PTPRN2: variants seen among roughly 807,000 people sequenced by gnomAD.
PTPRN2 encodes protein tyrosine phosphatase receptor type N2.
PTPRN2 carries 74 observed loss-of-function variants against 118.8 expected under a neutral mutation model. That is an observed-to-expected ratio of 0.62 (90% CI 0.52 to 0.76). The LOEUF (loss-of-function observed/expected upper bound fraction) is 0.76, where lower values mean the gene tolerates loss of function less well. Ranked by LOEUF, PTPRN2 falls within the 30% of genes least tolerant of loss-of-function variation. PTPRN2 has a pLI of 0.00. For synonymous variants in PTPRN2, 641 were observed against 608.0 expected (o/e 1.05, Z -0.80); for missense variants, 1,481 against 1,394.4 (o/e 1.06, Z -0.99).
intron 14 of PTPRN2, among the ~76,000 whole-genome samples, chr7:157,655,652 A>G (rs1293349120): frequency 2.0e-5 from 3 of 152,272 alleles, no homozygotes; most frequent in Non-Finnish European, 4.4e-5. Flanking sequence ...CCAGTGCGGG[A>G]AACAGCACAG....
chr7:158,312,716 TATAG>T (rs958813420), intron 3 of PTPRN2, among the ~76,000 whole-genome samples: 126 of 36,634 alleles, frequency 3.4e-3, no homozygotes, highest in African/African-American at 8.8e-3. Flanking sequence ...CGTGCTCACA[TATAG>T]ATACCCACAC....
chr7:158,183,030 T>C (rs553932653), intron 5 of PTPRN2, among the ~76,000 whole-genome samples: 263 of 152,356 alleles, frequency 1.7e-3, no homozygotes, highest in Middle Eastern at 6.8e-3. Context: ...TTGGCCCTTT[T>C]ATCATCATTT....
chr7:158,496,008 T>A lies in PTPRN2; in HGVS notation c.113-6223A>T, dbSNP rs181077916. On this transcript the variant is annotated intron_variant, in intron 1 of 22. Coordinates refer to ENST00000389418, the MANE Select transcript of PTPRN2 (RefSeq NM_002847.5). Reference sequence around the variant, plus strand: ...CCAGGCCTGATTGCCCATCCCTGACTGTGGCTTGCGGACAGGGCTTGGGGG... The same window carrying A: ...CCAGGCCTGATTGCCCATCCCTGACAGTGGCTTGCGGACAGGGCTTGGGGG... 6.6e-5 allele frequency among the ~76,000 whole-genome samples: 10 copies of A among 152,046 alleles called. No individual in the cohort carries two copies. The East Asian group carries it at 1.9e-3, about 30-fold the overall frequency.
At chr7:158,205,890 C>T (rs1421927007) in intron 3 of PTPRN2, among the ~76,000 whole-genome samples, 2 of 152,128 alleles carry the variant, frequency 1.3e-5, no homozygotes, top group African/African-American at 4.8e-5. Context: ...TAGACCAGCC[C>T]TAGACAGAGC....
chr7:157,968,577 C>T (rs547746652), intron 11 of PTPRN2, among the ~76,000 whole-genome samples: 34 of 152,306 alleles, frequency 2.2e-4, no homozygotes, highest in African/African-American at 5.8e-4. Flanking sequence ...CGCATGTCTG[C>T]GACCACTCAG....
At chr7:157,999,244 T>G (rs1402574087) in intron 11 of PTPRN2, among the ~76,000 whole-genome samples, 1 of 152,162 alleles carries the variant, frequency 6.6e-6, no homozygotes, top group Non-Finnish European at 1.5e-5. Flanking sequence ...TCTCCCTCGC[T>G]CAAGCCATCA....
At chr7:157,914,912 C>G (rs1798310969) in intron 11 of PTPRN2, among the ~76,000 whole-genome samples, 1 of 152,096 alleles carries the variant, frequency 6.6e-6, no homozygotes, top group Admixed American at 6.6e-5. Context: ...TTCTCTAATT[C>G]TCTCTTCAAC....
At position 157,690,675 on chromosome 7, in the gene PTPRN2, CT is replaced by C. The variant is rs1201239135; in HGVS notation, c.1789-7739del. On this transcript the variant is annotated intron_variant, in intron 12 of 22. Transcript: ENST00000389418. The surrounding 1 kb of genome is among the most constrained non-coding windows in gnomAD (Gnocchi z 7.1). Reference sequence around the variant, plus strand: ...GCCATCATCACAGCCAGCTGCTTCCCTGCGCTGGAGCCACAGACTAGCGGGG... The same window carrying C: ...GCCATCATCACAGCCAGCTGCTTCCCGCGCTGGAGCCACAGACTAGCGGGG... Among the ~76,000 whole-genome samples the C allele has an allele frequency of 6.6e-6, 1 of 151,696 alleles. No individual in the cohort carries two copies. Among genetic ancestry groups the C allele is most frequent in the African/African-American group, 2.4e-5 (1 of 41,392 alleles).
chr7:157,767,465 G>A (rs373892223), intron 12 of PTPRN2, among the ~76,000 whole-genome samples: 6 of 152,124 alleles, frequency 3.9e-5, no homozygotes, highest in South Asian at 4.1e-4. Flanking sequence ...TTGCCTTTGC[G>A]TACAAATGGC....
intron 5 of PTPRN2, among the ~76,000 whole-genome samples, chr7:158,178,589 C>CTTTCTT (rs1824420974): frequency 3.0e-5 from 2 of 67,390 alleles, no homozygotes; most frequent in African/African-American, 1.0e-4. Context: ...CATTTTCTTT[C>CTTTCTT]TTTTTTTTTT....
rs1199310899 is a variant in PTPRN2, at chr7:158,171,073, TAC to T, written c.550-3784_550-3783del. Among the ~76,000 whole-genome samples, 22 of 81,842 alleles carry T rather than the reference TAC, an allele frequency of 2.7e-4. 3 individuals carry two copies. The highest frequency in any genetic ancestry group is 8.4e-4 in the African/African-American group (22 of 26,176). 53.7% of individuals were successfully genotyped at this position (81,842 alleles called of 152,430 possible). A position where few individuals can be genotyped will look rare whatever the true frequency, so the allele number is the denominator to read the frequency against. On this transcript the variant is annotated intron_variant, in intron 5 of 22. Coordinates refer to ENST00000389418, the MANE Select transcript of PTPRN2 (RefSeq NM_002847.5). ...TATATACACATATATACACATTATA[TAC>T]ACATATATATACACACATATATATA...
Position 157,665,241 on chromosome 7 carries a change from G to T in PTPRN2, c.2002-8690C>A, listed in dbSNP as rs547707628. Among the ~76,000 whole-genome samples the T allele has an allele frequency of 5.9e-5, 9 of 152,370 alleles. 1 individual carries two copies. The highest frequency in any genetic ancestry group is 2.2e-4 in the African/African-American group (9 of 41,584). On this transcript the variant is annotated intron_variant, in intron 13 of 22. Transcript: ENST00000389418. ...ACTCAGCCTAACAATCACGAAGATG[G>T]CTCTGTTTATGATCCGCGACTATGC...
chr7:158,047,098 T>C (rs1371903866), intron 11 of PTPRN2, among the ~76,000 whole-genome samples: 1 of 152,126 alleles, frequency 6.6e-6, no homozygotes. Flanking sequence ...CCCATTCCTC[T>C]CTCATGCAAA....
Position 158,206,627 on chromosome 7 carries a change from C to T in PTPRN2, c.278-1354G>A, listed in dbSNP as rs939460697. ...TCGGAGAATGTAAGAGAAAAAAAGT[C>T]TGCCTGGTAATCCACAAAATTCTTC... On this transcript the variant is annotated intron_variant, in intron 3 of 22. Coordinates refer to ENST00000389418, the MANE Select transcript of PTPRN2 (RefSeq NM_002847.5). Among the ~76,000 whole-genome samples, 7 of 152,172 alleles carry T rather than the reference C, an allele frequency of 4.6e-5. No homozygotes were observed. In the South Asian group the frequency reaches 1.2e-3, roughly 27 times the overall value.
At chr7:157,735,686 C>T (rs1406320311) in intron 12 of PTPRN2, among the ~76,000 whole-genome samples, 1 of 152,198 alleles carries the variant, frequency 6.6e-6, no homozygotes, top group Non-Finnish European at 1.5e-5. Flanking sequence ...GCCTCCTTGG[C>T]TGGATTCTAA....
chr7:158,283,175 C>T (rs891448217), intron 3 of PTPRN2, among the ~76,000 whole-genome samples: 5 of 152,264 alleles, frequency 3.3e-5, no homozygotes, highest in African/African-American at 7.2e-5. Context: ...TTGTTACGTT[C>T]ATGCCATGCT....
chr7:157,555,412 G>T (rs1052923308), intron 21 of PTPRN2, among the ~76,000 whole-genome samples: 2 of 152,190 alleles, frequency 1.3e-5, no homozygotes, highest in African/African-American at 4.8e-5. Context: ...ATATGCCACC[G>T]GTGTCTCTTT....
intron 11 of PTPRN2, among the ~76,000 whole-genome samples, chr7:158,042,276 G>A (rs1447690315): frequency 1.3e-5 from 2 of 152,162 alleles, no homozygotes; most frequent in African/African-American, 4.8e-5. Context: ...GAGCTCATCC[G>A]ACTGCCCCAT....
Position 157,627,927 on chromosome 7 carries a change from A to T in PTPRN2, c.2197-6418T>A, listed in dbSNP as rs533283601. ...TTTGAGAATGACACCATCAGCGCTCACATAATCTACTTTGTTAGAGATATG... is the reference window on the plus strand; with the variant it reads ...TTTGAGAATGACACCATCAGCGCTCTCATAATCTACTTTGTTAGAGATATG... On this transcript the variant is annotated intron_variant, in intron 14 of 22. Transcript: ENST00000389418. The surrounding 1 kb of genome is among the most constrained non-coding windows in gnomAD (Gnocchi z 4.2). 2.0e-5 allele frequency among the ~76,000 whole-genome samples: 3 copies of T among 152,362 alleles called. No individual in the cohort carries two copies. In the South Asian group the frequency reaches 6.2e-4, roughly 32 times the overall value.
Sources: allele counts gnomAD v4.1 joint callset (sites outside exome capture counted in the v4.1 genomes callset), GRCh38; gene constraint gnomAD v4.1.1; non-coding constraint Gnocchi (gnomAD v3.1); transcripts MANE v1.5; gene names NCBI Gene and HGNC (gene_info 2026-07-23, HGNC 2026-07-21).